SLC22A7: variants seen among roughly 807,000 people sequenced by gnomAD.
SLC22A7 encodes the protein hOAT2.
A neutral mutation model predicts 62.2 loss-of-function variants in SLC22A7; 48 were observed. That is an observed-to-expected ratio of 0.77 (90% CI 0.61 to 0.98). The LOEUF (loss-of-function observed/expected upper bound fraction) is 0.98, where lower values mean the gene tolerates loss of function less well. Among genes scored for constraint, SLC22A7 ranks in the 50% least tolerant of loss-of-function variants. The pLI is 0.00. For missense variants in SLC22A7, 581 were observed against 703.8 expected, an observed-to-expected ratio of 0.83 and a Z score of 1.97; for synonymous variants, 276 against 314.8, an observed-to-expected ratio of 0.88 and a Z score of 1.30.
intron 5 of SLC22A7, 184 bp downstream of exon 5, chr6:43,300,250 G>C: frequency 1.5e-6 from 1 of 647,884 alleles, no homozygotes; most frequent in Non-Finnish European, 2.6e-6. Flanking sequence ...AAAGAAGATG[G>C]CAAGGAAAAG....
At position 43,305,111 on chromosome 6, in the gene SLC22A7, C is replaced by G. The variant is rs1438128391; in HGVS notation, c.*386C>G. ...GGCATGTGGCTTTCCCTCTCTGGGCCTCAGTCTGTTCATCTCCCAAATGGA... is the reference window on the plus strand; with the variant it reads ...GGCATGTGGCTTTCCCTCTCTGGGCGTCAGTCTGTTCATCTCCCAAATGGA... On this transcript the variant is annotated 3_prime_UTR_variant, in exon 11 of 11. Transcript: ENST00000372585. 1.1e-5 allele frequency: 2 copies of G among 178,198 alleles called. No homozygotes were observed. The highest frequency in any genetic ancestry group is 2.3e-5 in the Non-Finnish European group (2 of 85,914). 11.0% of individuals were successfully genotyped at this position (178,198 alleles called of 1,614,324 possible).
Position 43,301,704 on chromosome 6 carries a change from G to A in SLC22A7, c.1061+12G>A, listed in dbSNP as rs1778757155. The A allele has an allele frequency of 1.9e-6, 3 of 1,599,386 alleles. No individual in the cohort carries two copies. The highest frequency in any genetic ancestry group is 8.5e-7 in the Non-Finnish European group (1 of 1,169,868). On this transcript the variant is annotated intron_variant, in intron 7 of 10. Coordinates refer to ENST00000372585, the MANE Select transcript of SLC22A7 (RefSeq NM_153320.2). ...TGCGTGGTGGTGTGGTGAGGAGGCT[G>A]GCTTGGGTCTGGCATGGGTGTGGTG...
chr6:43,298,827 A>G, intron 1 of SLC22A7, 76 bp downstream of exon 1: 1 of 1,504,894 alleles, frequency 6.6e-7, no homozygotes, highest in Non-Finnish European at 8.9e-7. Context: ...CTGTGTAGGC[A>G]TTAGATGTAT....
intron 6 of SLC22A7, 23 bp from the exon 7 acceptor site, chr6:43,301,560 A>C (rs1232465937): frequency 5.0e-6 from 8 of 1,591,596 alleles, no homozygotes; most frequent in South Asian, 1.1e-5. Flanking sequence ...CTGATGTTAC[A>C]ACCTCACCTC....
chr6:43,302,090 T>A lies in SLC22A7; in HGVS notation c.1062-110T>A. On this transcript the variant is annotated intron_variant, in intron 7 of 10. Coordinates refer to ENST00000372585, the MANE Select transcript of SLC22A7 (RefSeq NM_153320.2). The surrounding 1 kb of genome is among the most constrained non-coding windows in gnomAD (Gnocchi z 5.0). ...AGGTCCTGGCGGGGGGACCGGGGGT[T>A]GCAGAGACAGAAGGAGATTGCCCTT... 1.0e-6 allele frequency: 1 copy of A among 976,910 alleles called. No homozygotes were observed. Among genetic ancestry groups the A allele is most frequent in the Non-Finnish European group, 1.5e-6 (1 of 648,692 alleles). 60.5% of individuals were successfully genotyped at this position (976,910 alleles called of 1,614,324 possible). A position where few individuals can be genotyped will look rare whatever the true frequency, so the allele number is the denominator to read the frequency against.
At chr6:43,296,106 T>C (rs892909427), upstream of SLC22A7, among the ~76,000 whole-genome samples, 4 of 152,134 alleles carry the variant, frequency 2.6e-5, no homozygotes, top group African/African-American at 7.2e-5. Flanking sequence ...AGTTTTGCCA[T>C]GTTGGCCAGG....
At position 43,299,273 on chromosome 6, in the gene SLC22A7, A is replaced by T; in HGVS notation, c.400-117A>T. 1 of 1,602,786 alleles carries T rather than the reference A, an allele frequency of 6.2e-7. No individual in the cohort carries two copies. The highest frequency in any genetic ancestry group is 2.2e-5 in the East Asian group (1 of 44,602). ...TTGGGAGGTTTATTATCTGGCATGG[A>T]GGTACCAGAATGGCAGAGTTCGCCT... On this transcript the variant is annotated intron_variant, in intron 2 of 10. Coordinates refer to ENST00000372585, the MANE Select transcript of SLC22A7 (RefSeq NM_153320.2). The surrounding 1 kb of genome is among the most constrained non-coding windows in gnomAD (Gnocchi z 4.4).
chr6:43,301,830 C>T (rs1019308355), intron 7 of SLC22A7, 138 bp downstream of exon 7: 185 of 638,970 alleles, frequency 2.9e-4, no homozygotes, highest in Middle Eastern at 8.7e-4. Context: ...CCTCCATGGG[C>T]GATCTGCCTG....
rs1260389463 is a variant in SLC22A7 at position 43,298,267 on chromosome 6, C to T, written c.-92C>T. The stretch of plus-strand genomic sequence containing the variant: ...AGGCTCTCCAGTCCATCCACTCCCA[C>T]CTCCAGAGTCCAAGGGTCTATGTGG... On this transcript the variant is annotated 5_prime_UTR_variant, in exon 1 of 11. Transcript: ENST00000372585. 1.5e-5 allele frequency: 17 copies of T among 1,158,486 alleles called. No individual in the cohort carries two copies. Among genetic ancestry groups the T allele is most frequent in the Non-Finnish European group, 1.9e-5 (16 of 822,364 alleles). 71.8% of individuals were successfully genotyped at this position (1,158,486 alleles called of 1,614,324 possible).
In SLC22A7 at chr6:43,299,848, A is replaced by G; in HGVS notation, c.659-50A>G. 1 of 1,614,152 alleles carries G rather than the reference A, an allele frequency of 6.2e-7. No homozygotes were observed. Among genetic ancestry groups the G allele is most frequent in the Admixed American group, 1.7e-5 (1 of 60,030 alleles). On this transcript the variant is annotated intron_variant, in intron 4 of 10. Coordinates refer to ENST00000372585, the MANE Select transcript of SLC22A7 (RefSeq NM_153320.2). This position sits in a 1 kb window ranked among gnomAD's most constrained non-coding sequence, Gnocchi z 4.4. ...GAAGGCAGTTGTCAGAGTGAGGCTG[A>G]GCCCATCTGGTCCTCACTAACCATC... is the stretch of plus-strand genomic sequence containing the variant.
At position 43,299,572 on chromosome 6, in the gene SLC22A7, C is replaced by A. The variant is rs1459523389; in HGVS notation, c.504-55C>A. On this transcript the variant is annotated intron_variant, in intron 3 of 10. Coordinates refer to ENST00000372585, the MANE Select transcript of SLC22A7 (RefSeq NM_153320.2). The surrounding 1 kb of genome is among the most constrained non-coding windows in gnomAD (Gnocchi z 4.4). ...TAGCTGGGGTATGAGCCTAGTCTAC[C>A]TATGCCTTAGAACCTCCTTCCACAG... The A allele has an allele frequency of 6.2e-7, 1 of 1,612,902 alleles. No homozygotes were observed. Among genetic ancestry groups the A allele is most frequent in the African/African-American group, 1.3e-5 (1 of 74,898 alleles).
upstream of SLC22A7, among the ~76,000 whole-genome samples, chr6:43,296,635 G>A (rs1052577108): frequency 6.6e-6 from 1 of 152,218 alleles, no homozygotes; most frequent in African/African-American, 2.4e-5. Context: ...TGGTGAATGA[G>A]GAGGAAGCCA....
At chr6:43,304,627 C>A in intron 10 of SLC22A7, 44 bp from the exon 11 acceptor site, 2 of 1,570,850 alleles carry the variant, frequency 1.3e-6, no homozygotes, top group Admixed American at 3.4e-5. Flanking sequence ...GTGGTAGGCT[C>A]GGGGATTAAA....
chr6:43,304,830 G>A lies in SLC22A7; in HGVS notation c.*105G>A, dbSNP rs1778886106. ...CTGGGAGTATCGAACCCTCTGCCTA[G>A]GGCCGGAGTTGCTGCCAGTACCCGC... On this transcript the variant is annotated 3_prime_UTR_variant, in exon 11 of 11. Coordinates refer to ENST00000372585, the MANE Select transcript of SLC22A7 (RefSeq NM_153320.2). The A allele has an allele frequency of 1.1e-6, 1 of 897,228 alleles. No individual in the cohort carries two copies. The highest frequency in any genetic ancestry group is 1.7e-5 in the African/African-American group (1 of 57,550). 55.6% of individuals were successfully genotyped at this position (897,228 alleles called of 1,614,324 possible).
rs774324671 is a variant in SLC22A7 at position 43,299,642 on chromosome 6, T to G, written c.519T>G (p.Arg173=). 2 of 1,614,148 alleles carry G rather than the reference T, an allele frequency of 1.2e-6. No individual in the cohort carries two copies. The highest frequency in any genetic ancestry group is 1.1e-5 in the South Asian group (1 of 91,088). Residue 173 remains arginine (R), a synonymous_variant, in exon 4 of 11, where the codon CGT becomes CGG. Coordinates refer to ENST00000372585, the MANE Select transcript of SLC22A7 (RefSeq NM_153320.2). This position sits in a 1 kb window ranked among gnomAD's most constrained non-coding sequence, Gnocchi z 4.4. The stretch of plus-strand genomic sequence containing the variant: ...CCCTTTGCAGGTTTGGGCGGCGGCG[T>G]CTGCTGCTGGTAGCCTACGTGAGTA... ...GYLSDRFGRR[R]LLLVAYVSTL...
Position 43,298,558 on chromosome 6 carries a change from C to A in SLC22A7, c.200C>A (p.Ala67Asp). The change falls in exon 1 of 11, where the codon GCC becomes GAC. Residue 67 changes from alanine to aspartate, a missense_variant. By Grantham distance (126) the Ala-to-Asp change is moderately radical. Coordinates refer to ENST00000372585, the MANE Select transcript of SLC22A7 (RefSeq NM_153320.2). ...NFSHQDVWLE[A>D]HLPREPDGTL... ...AGCCATCAGGATGTGTGGCTGGAGGCCCATCTTCCCCGGGAGCCTGATGGC... is the reference window on the plus strand; with the variant it reads ...AGCCATCAGGATGTGTGGCTGGAGGACCATCTTCCCCGGGAGCCTGATGGC... 6.2e-7 allele frequency: 1 copy of A among 1,613,742 alleles called. No individual in the cohort carries two copies. Among genetic ancestry groups the A allele is most frequent in the South Asian group, 1.1e-5 (1 of 91,066 alleles).
Position 43,299,375 on chromosome 6 carries a change from T to C in SLC22A7, c.400-15T>C. 6.2e-7 allele frequency: 1 copy of C among 1,614,016 alleles called. No homozygotes were observed. Among genetic ancestry groups the C allele is most frequent in the Non-Finnish European group, 8.5e-7 (1 of 1,179,828 alleles). Reference sequence around the variant, plus strand: ...CTGATGTTCATAGGAGGTCCCTTTCTGCCTGTCCTTGCAGTGGGATCTGGT... The same window carrying C: ...CTGATGTTCATAGGAGGTCCCTTTCCGCCTGTCCTTGCAGTGGGATCTGGT... On this transcript the variant is annotated splice_polypyrimidine_tract_variant and intron_variant, in intron 2 of 10. Coordinates refer to ENST00000372585, the MANE Select transcript of SLC22A7 (RefSeq NM_153320.2). The surrounding 1 kb of genome is among the most constrained non-coding windows in gnomAD (Gnocchi z 4.4).
In SLC22A7 at chr6:43,302,103, G is replaced by A; in HGVS notation, c.1062-97G>A. The A allele has an allele frequency of 9.1e-7, 1 of 1,099,208 alleles. No individual in the cohort carries two copies. The highest frequency in any genetic ancestry group is 1.3e-6 in the Non-Finnish European group (1 of 754,282). 68.1% of individuals were successfully genotyped at this position (1,099,208 alleles called of 1,614,324 possible). On this transcript the variant is annotated intron_variant, in intron 7 of 10. Coordinates refer to ENST00000372585, the MANE Select transcript of SLC22A7 (RefSeq NM_153320.2). The surrounding 1 kb of genome is among the most constrained non-coding windows in gnomAD (Gnocchi z 5.0). ...GGGACCGGGGGTTGCAGAGACAGAA[G>A]GAGATTGCCCTTGTAAAATGCCAAG...
upstream of SLC22A7, among the ~76,000 whole-genome samples, chr6:43,297,678 A>G (rs1212905794): frequency 5.3e-5 from 8 of 152,154 alleles, no homozygotes; most frequent in East Asian, 1.5e-3. Context: ...TTGGAACCAT[A>G]TGTATGGGGA....
Sources: gnomAD v4.1 joint callset for allele counts (sites outside exome capture counted in the v4.1 genomes callset) on GRCh38, gnomAD v4.1.1 for gene constraint, Gnocchi (gnomAD v3.1) non-coding constraint, MANE v1.5 for transcripts, NCBI Gene and HGNC (gene_info 2026-07-23, HGNC 2026-07-21) for gene names.